The following SP100 variants were observed in gnomAD, a reference collection of about 807,000 sequenced individuals.
SP100 encodes nuclear autoantigen Sp-100.
In SP100, 84 loss-of-function variants were observed where a neutral mutation model predicts 130.0. That is an observed-to-expected ratio of 0.65 (90% confidence interval 0.54 to 0.77). The LOEUF (loss-of-function observed/expected upper bound fraction) is 0.77. Ranked by LOEUF, SP100 falls within the 30% of genes least tolerant of loss-of-function variation. The probability of loss-of-function intolerance (pLI) is 0.00; values close to 1 mark genes in which losing one functional copy is unlikely to be tolerated. For synonymous variants in SP100, 331 were observed against 351.7 expected, an observed-to-expected ratio of 0.94 and a Z score of 0.66; for missense variants, 978 against 1,052.2, an observed-to-expected ratio of 0.93 and a Z score of 0.97.
At chr2:230,466,430 C>A (rs1462804272) in intron 12 of SP100, 76 bp downstream of exon 12, 4 of 824,344 alleles carry the variant, frequency 4.9e-6, no homozygotes, top group Admixed American at 2.0e-5. Flanking sequence ...ATATTTTCTA[C>A]AAAAGAGTCA....
Position 230,416,467 on chromosome 2 carries a change from T to A in SP100, c.32+139T>A, listed in dbSNP as rs77887468. 1,947 of 765,100 alleles carry A rather than the reference T, an allele frequency of 2.5e-3. 30 individuals are homozygous for A. The African/African-American group carries it at 0.031, about 12-fold the overall frequency. 47.4% of individuals were successfully genotyped at this position (765,100 alleles called of 1,614,324 possible). A position where few individuals can be genotyped will look rare whatever the true frequency, so the allele number is the denominator to read the frequency against. On this transcript the variant is annotated intron_variant, in intron 1 of 28. Coordinates refer to ENST00000340126, the MANE Select transcript of SP100 (RefSeq NM_001080391.2). ...AGGTATGCGATGTTATATAATGAAA[T>A]GAAAGACAAGTAATGAGGAAATCAG...
In SP100 at chr2:230,464,143, T is replaced by G. The variant is rs2064810985; in HGVS notation, c.1134T>G (p.Ile378Met). The change falls in exon 11 of 29, where the codon ATT (isoleucine) becomes ATG (methionine). Residue 378 changes from isoleucine (I) to methionine (M), a missense_variant. Ile to Met is a conservative substitution (Grantham distance 10, BLOSUM62 1). Coordinates refer to ENST00000340126, the MANE Select transcript of SP100 (RefSeq NM_001080391.2). ...GQEATCSRPQ[I>M]VPEPMDFRKL... ...AAGCCACTTGCTCACGACCCCAGAT[T>G]GTACCAGGTAAGAATATTAGAGTTG... is the stretch of plus-strand genomic sequence containing the variant. 1 of 1,601,326 alleles carries G rather than the reference T, an allele frequency of 6.2e-7. No individual in the cohort carries two copies. The highest frequency in any genetic ancestry group is 1.3e-5 in the African/African-American group (1 of 74,656).
rs149522420 is a variant in SP100, at chr2:230,534,747, T to C, written c.2095-4520T>C. ...AGGATTGTATGATTCTTGCATGTTT[T>C]AATATATGCCATCAGTAATAATTAT... On this transcript the variant is annotated intron_variant, in intron 24 of 28. Coordinates refer to ENST00000340126, the MANE Select transcript of SP100 (RefSeq NM_001080391.2). 5.7e-3 allele frequency among the ~76,000 whole-genome samples: 863 copies of C among 152,350 alleles called. 10 individuals are homozygous for C. Among genetic ancestry groups the C allele is most frequent in the African/African-American group, 0.02 (819 of 41,580 alleles).
chr2:230,478,954 A>G (rs1343578952), intron 17 of SP100, among the ~76,000 whole-genome samples: 1 of 152,044 alleles, frequency 6.6e-6, no homozygotes, highest in Non-Finnish European at 1.5e-5. Context: ...CTGAGTAGCT[A>G]GGACTACATG....
chr2:230,444,036 C>A, intron 3 of SP100, 142 bp from the exon 4 acceptor site: 1 of 629,062 alleles, frequency 1.6e-6, no homozygotes, highest in South Asian at 3.0e-5. Flanking sequence ...ACTGGCTATA[C>A]AAATAAGTAA....
intron 24 of SP100, among the ~76,000 whole-genome samples, chr2:230,522,130 A>G (rs1039598134): frequency 5.3e-5 from 8 of 152,142 alleles, no homozygotes; most frequent in Non-Finnish European, 1.2e-4. Flanking sequence ...TTCCAAAGGA[A>G]TTTCTGTTTG....
intron 2 of SP100, among the ~76,000 whole-genome samples, chr2:230,436,965 T>TGC (rs2063309251): frequency 8.2e-5 from 8 of 98,044 alleles, no homozygotes; most frequent in African/African-American, 3.3e-4. Flanking sequence ...TACACACACA[T>TGC]ATATATGTGT....
At chr2:230,445,473 A>G (rs2063668036) in intron 4 of SP100, among the ~76,000 whole-genome samples, 1 of 152,238 alleles carries the variant, frequency 6.6e-6, no homozygotes, top group South Asian at 2.1e-4. Context: ...CCTGGAATTT[A>G]AAGTTAAGGA....
chr2:230,514,510 A>G (rs1245723590), intron 24 of SP100, among the ~76,000 whole-genome samples: 1 of 152,230 alleles, frequency 6.6e-6, no homozygotes, highest in Non-Finnish European at 1.5e-5. Flanking sequence ...GGTCTGGGCT[A>G]GAATCTAATA....
intron 27 of SP100, 109 bp from the exon 28 acceptor site, chr2:230,541,783 G>T (rs1173460709): frequency 1.7e-4 from 206 of 1,198,414 alleles, no homozygotes; most frequent in Non-Finnish European, 2.1e-4. Context: ...TCACAGGGGG[G>T]TTAGGATTTT....
At chr2:230,454,712 A>T (rs2064180819) in intron 8 of SP100, among the ~76,000 whole-genome samples, 1 of 152,172 alleles carries the variant, frequency 6.6e-6, no homozygotes, top group Non-Finnish European at 1.5e-5. Flanking sequence ...CATATGATGT[A>T]TCCTGTAGAA....
chr2:230,416,443 G>A, intron 1 of SP100, 115 bp downstream of exon 1: 4 of 856,274 alleles, frequency 4.7e-6, no homozygotes, highest in Admixed American at 2.7e-5. Context: ...CAAGAACATA[G>A]GTATGCGATG....
chr2:230,447,709 C>T (rs998007094), intron 5 of SP100, among the ~76,000 whole-genome samples: 1 of 152,252 alleles, frequency 6.6e-6, no homozygotes, highest in African/African-American at 2.4e-5. Flanking sequence ...CACGACTCTC[C>T]TGGCACTTCC....
intron 11 of SP100, among the ~76,000 whole-genome samples, chr2:230,465,033 C>T (rs543612563): frequency 3.3e-5 from 5 of 152,154 alleles, no homozygotes; most frequent in African/African-American, 7.2e-5. Context: ...ATTAGGAGTT[C>T]GAGACCATCC....
At chr2:230,518,042 C>T (rs544081253) in intron 24 of SP100, among the ~76,000 whole-genome samples, 7 of 152,082 alleles carry the variant, frequency 4.6e-5, no homozygotes, top group South Asian at 2.1e-4. Flanking sequence ...GTTTGCGAAA[C>T]GCTTGGACTT....
intron 8 of SP100, among the ~76,000 whole-genome samples, chr2:230,459,063 C>A (rs1426075800): frequency 6.6e-6 from 1 of 152,070 alleles, no homozygotes; most frequent in African/African-American, 2.4e-5. Flanking sequence ...CATAGCACCA[C>A]CTTCACCTCA....
At chr2:230,498,780 C>G (rs1192856986) in intron 19 of SP100, among the ~76,000 whole-genome samples, 1 of 152,152 alleles carries the variant, frequency 6.6e-6, no homozygotes, top group African/African-American at 2.4e-5. Context: ...CTCTCCTGAG[C>G]TGATAACTTT....
intron 8 of SP100, among the ~76,000 whole-genome samples, chr2:230,459,692 A>G (rs2064480289): frequency 6.6e-6 from 1 of 152,082 alleles, no homozygotes; most frequent in African/African-American, 2.4e-5. Context: ...AAATATCTCT[A>G]ACTTGTCCAT....
chr2:230,468,623 G>C (rs972314448), intron 13 of SP100, among the ~76,000 whole-genome samples: 20 of 151,964 alleles, frequency 1.3e-4, no homozygotes, highest in African/African-American at 4.6e-4. Flanking sequence ...GACCAGCCTA[G>C]GCAACATGGC....
Sources: allele counts gnomAD v4.1 joint callset (sites outside exome capture counted in the v4.1 genomes callset), GRCh38; gene constraint gnomAD v4.1.1; transcripts MANE v1.5; gene names NCBI Gene and HGNC (gene_info 2026-07-23, HGNC 2026-07-21).